USP24: variants seen among roughly 807,000 people sequenced by gnomAD.
The protein encoded by USP24 is ubiquitin specific peptidase 24.
A neutral mutation model predicts 361.6 loss-of-function variants in USP24; 97 were observed. The ratio of observed to expected loss-of-function variants is 0.27; its 90% CI spans 0.23 to 0.32. The LOEUF (loss-of-function observed/expected upper bound fraction) is 0.32. Ranked by LOEUF, USP24 falls within the 10% of genes least tolerant of loss-of-function variation. USP24 has a pLI of 1.00. For synonymous variants in USP24, 1,098 were observed against 1,124.6 expected, an observed-to-expected ratio of 0.98 and a Z score of 0.47; for missense variants, 2,353 against 3,165.6, an observed-to-expected ratio of 0.74 and a Z score of 6.16.
chr1:55,214,744 C>A, intron 1 of USP24, 46 bp downstream of exon 1: 2 of 1,172,332 alleles, frequency 1.7e-6, no homozygotes, highest in African/African-American at 1.6e-5. Flanking sequence ...CCCAGGAACT[C>A]CAGCCCAGTG....
chr1:55,119,921 T>C (rs936303471), intron 38 of USP24, among the ~76,000 whole-genome samples: 1 of 152,116 alleles, frequency 6.6e-6, no homozygotes, highest in African/African-American at 2.4e-5. Flanking sequence ...GGGACCTAAT[T>C]TATAAAGCAC....
intron 24 of USP24, among the ~76,000 whole-genome samples, 180 bp downstream of exon 24, chr1:55,141,436 A>C (rs17111671): frequency 0.037 from 5,694 of 152,262 alleles, 340 homozygotes; most frequent in African/African-American, 0.13. Flanking sequence ...AGAACTTCCA[A>C]AGAGGCACAG....
intron 62 of USP24, among the ~76,000 whole-genome samples, chr1:55,076,811 T>C (rs568285295): frequency 6.6e-6 from 1 of 152,362 alleles, no homozygotes; most frequent in Non-Finnish European, 1.5e-5. Flanking sequence ...AAAATATTTT[T>C]CATAGTACGT....
intron 61 of USP24, among the ~76,000 whole-genome samples, chr1:55,077,933 C>T (rs947554632): frequency 1.3e-5 from 2 of 152,148 alleles, no homozygotes; most frequent in African/African-American, 4.8e-5. Context: ...AGAAACTGCC[C>T]AAGGTCATAT....
At chr1:55,124,437 T>C (rs552705982) in intron 35 of USP24, 32 bp downstream of exon 35, 3 of 1,588,574 alleles carry the variant, frequency 1.9e-6, no homozygotes, top group Non-Finnish European at 2.6e-6. Flanking sequence ...TCTTACCCAG[T>C]GTTCTCATTA....
At chr1:55,154,539 G>A (rs1282957480) in intron 13 of USP24, 73 bp from the exon 14 acceptor site, 1 of 1,504,030 alleles carries the variant, frequency 6.6e-7, no homozygotes, top group Non-Finnish European at 9.0e-7. Context: ...TTAAACTTGA[G>A]CTAAAAACAT....
intron 38 of USP24, 58 bp from the exon 39 acceptor site, chr1:55,110,304 T>C: frequency 7.1e-7 from 1 of 1,399,312 alleles, no homozygotes. Flanking sequence ...ATAAAAAGCA[T>C]TTTCCTTGTA....
chr1:55,079,878 C>A (rs957207418), intron 59 of USP24, among the ~76,000 whole-genome samples: 5 of 151,810 alleles, frequency 3.3e-5, no homozygotes, highest in African/African-American at 9.7e-5. Context: ...AGCACTCACA[C>A]ACAGTACTCG....
At chr1:55,079,927 CA>C (rs1557531834) in intron 59 of USP24, among the ~76,000 whole-genome samples, 1 of 152,156 alleles carries the variant, frequency 6.6e-6, no homozygotes, top group Non-Finnish European at 1.5e-5. Flanking sequence ...CTCGCACACA[CA>C]CTGAGTACTC....
chr1:55,135,269 G>C (rs1440940928), intron 28 of USP24, among the ~76,000 whole-genome samples: 1 of 152,084 alleles, frequency 6.6e-6, no homozygotes, highest in Non-Finnish European at 1.5e-5. Context: ...ACAGGCATGA[G>C]CCACCACACC....
At chr1:55,143,395 A>T (rs773634008) in intron 21 of USP24, among the ~76,000 whole-genome samples, 4 of 152,224 alleles carry the variant, frequency 2.6e-5, no homozygotes, top group Non-Finnish European at 5.9e-5. Flanking sequence ...CACACAGCCC[A>T]ACAGGCTACT....
chr1:55,201,947 G>A (rs1644587111), intron 1 of USP24, among the ~76,000 whole-genome samples: 1 of 152,142 alleles, frequency 6.6e-6, no homozygotes, highest in South Asian at 2.1e-4. Context: ...AAAGGATCAA[G>A]TGCAAGGATC....
chr1:55,152,457 A>C (rs762575774), intron 16 of USP24, among the ~76,000 whole-genome samples: 19 of 152,168 alleles, frequency 1.2e-4, no homozygotes, highest in Admixed American at 2.0e-4. Flanking sequence ...GGGAGGGAAA[A>C]ATCCATTCAG....
intron 38 of USP24, among the ~76,000 whole-genome samples, chr1:55,114,125 G>A (rs1646036597): frequency 6.6e-6 from 1 of 152,132 alleles, no homozygotes; most frequent in Admixed American, 6.5e-5. Context: ...CAAATCATGA[G>A]TGAACTCCCA....
In USP24 at chr1:55,086,768, C is replaced by T. The variant is rs79746470; in HGVS notation, c.6669-730G>A. ...ATAATGTCTGCAATTTAAAATACTT[C>T]AGAGAGACAAAAAAGCCTGCATGTG... On this transcript the variant is annotated intron_variant, in intron 55 of 67. Transcript: ENST00000294383. 4.4e-3 allele frequency among the ~76,000 whole-genome samples: 673 copies of T among 152,254 alleles called. 2 individuals carry two copies. Among genetic ancestry groups the T allele is most frequent in the African/African-American group, 0.016 (651 of 41,536 alleles).
intron 65 of USP24, 75 bp downstream of exon 65, chr1:55,072,711 C>T (rs1164807665): frequency 4.4e-5 from 62 of 1,396,464 alleles, no homozygotes; most frequent in Admixed American, 9.0e-5. Flanking sequence ...ATATTCAGTT[C>T]TAGAGATTTT....
chr1:55,091,519 A>G (rs1376010267), intron 54 of USP24, among the ~76,000 whole-genome samples: 1 of 152,224 alleles, frequency 6.6e-6, no homozygotes, highest in Non-Finnish European at 1.5e-5. Context: ...CACTGAACAC[A>G]GCCCAAACTC....
Position 55,151,504 on chromosome 1 carries a change from T to C in USP24, c.1860+2366A>G, listed in dbSNP as rs557875857. 1.9e-3 allele frequency among the ~76,000 whole-genome samples: 284 copies of C among 152,274 alleles called. 1 individual carries two copies. The highest frequency in any genetic ancestry group is 3.4e-3 in the Middle Eastern group (1 of 294). On this transcript the variant is annotated intron_variant, in intron 16 of 67. Coordinates refer to ENST00000294383, the MANE Select transcript of USP24 (RefSeq NM_015306.3). Reference sequence around the variant, plus strand: ...TAAGAGGAAGGAAACCAACATTTGCTAAAAGCCTGTCAGGCGCTATGGTAG... The same window carrying C: ...TAAGAGGAAGGAAACCAACATTTGCCAAAAGCCTGTCAGGCGCTATGGTAG...
At chr1:55,214,216 C>T (rs983249023) in intron 1 of USP24, among the ~76,000 whole-genome samples, 1 of 151,846 alleles carries the variant, frequency 6.6e-6, no homozygotes, top group Non-Finnish European at 1.5e-5. Flanking sequence ...CCTTTCCGAC[C>T]CTTGGCTAAA....
Sources: allele counts gnomAD v4.1 joint callset (sites outside exome capture counted in the v4.1 genomes callset), GRCh38; gene constraint gnomAD v4.1.1; transcripts MANE v1.5; gene names NCBI Gene and HGNC (gene_info 2026-07-23, HGNC 2026-07-21).